MVB12B: variants seen among roughly 807,000 people sequenced by gnomAD.
The protein encoded by MVB12B is multivesicular body subunit 12B.
In MVB12B, 16 loss-of-function variants were observed where a neutral mutation model predicts 41.6. The observed-to-expected ratio is 0.38, with a 90% confidence interval of 0.26 to 0.58. The LOEUF is 0.58. Among genes scored for constraint, MVB12B ranks in the 20% least tolerant of loss-of-function variants. MVB12B has a pLI of 0.62. For synonymous variants in MVB12B, 133 were observed against 139.7 expected, an observed-to-expected ratio of 0.95 and a Z score of 0.34; for missense variants, 274 against 380.2, an observed-to-expected ratio of 0.72 and a Z score of 2.32.
chr9:126,499,004 C>T (rs1208721312), intron 9 of MVB12B, among the ~76,000 whole-genome samples: 1 of 152,204 alleles, frequency 6.6e-6, no homozygotes. Flanking sequence ...TGATGCATAA[C>T]CAGGGCTAAT....
intron 2 of MVB12B, among the ~76,000 whole-genome samples, chr9:126,377,153 A>G (rs945739364): frequency 3.9e-4 from 59 of 152,276 alleles, no homozygotes; most frequent in Admixed American, 2.6e-3. Context: ...AAGAGAGATA[A>G]ACCATGTGTA....
At chr9:126,335,017 T>C (rs934149438) in intron 1 of MVB12B, among the ~76,000 whole-genome samples, 7 of 152,192 alleles carry the variant, frequency 4.6e-5, no homozygotes, top group Admixed American at 3.3e-4. Context: ...ATAAGGCAGA[T>C]TGAATACACA....
chr9:126,366,757 T>C (rs573005596), intron 2 of MVB12B, among the ~76,000 whole-genome samples: 8 of 152,244 alleles, frequency 5.3e-5, no homozygotes, highest in African/African-American at 1.7e-4. Flanking sequence ...CCCAGCCTCC[T>C]GCACTGAGCA....
intron 7 of MVB12B, among the ~76,000 whole-genome samples, chr9:126,438,589 G>A (rs1297370020): frequency 6.6e-6 from 1 of 152,164 alleles, no homozygotes; most frequent in Non-Finnish European, 1.5e-5. Context: ...TGGCTCAGCT[G>A]CTAGTGGGAT....
intron 3 of MVB12B, among the ~76,000 whole-genome samples, chr9:126,382,913 T>C (rs1830674402): frequency 6.6e-6 from 1 of 152,122 alleles, no homozygotes; most frequent in African/African-American, 2.4e-5. Flanking sequence ...ATGTTGAACA[T>C]TAAAAAGATA....
intron 7 of MVB12B, among the ~76,000 whole-genome samples, chr9:126,469,294 C>T (rs1304937588): frequency 2.6e-5 from 4 of 152,250 alleles, no homozygotes; most frequent in African/African-American, 9.6e-5. Flanking sequence ...CCAAGGCTTG[C>T]TCTGAGAAGG....
intron 7 of MVB12B, among the ~76,000 whole-genome samples, chr9:126,435,685 C>T (rs903815534): frequency 1.3e-5 from 2 of 151,514 alleles, no homozygotes; most frequent in African/African-American, 2.4e-5. Context: ...AGTTTCTTTC[C>T]TTGCTCCAGA....
chr9:126,402,873 C>A (rs1006686088), intron 6 of MVB12B, among the ~76,000 whole-genome samples: 1 of 152,200 alleles, frequency 6.6e-6, no homozygotes, highest in Non-Finnish European at 1.5e-5. Flanking sequence ...AAGACTGTAG[C>A]GCAGGGTTCT....
chr9:126,490,530 G>A (rs1833710181), intron 9 of MVB12B, among the ~76,000 whole-genome samples: 1 of 152,206 alleles, frequency 6.6e-6, no homozygotes, highest in South Asian at 2.1e-4. Flanking sequence ...TTCCCTTCCA[G>A]GAGTGCCACC....
At chr9:126,482,884 C>T (rs946051791) in intron 8 of MVB12B, among the ~76,000 whole-genome samples, 22 of 152,220 alleles carry the variant, frequency 1.4e-4, no homozygotes, top group African/African-American at 5.1e-4. Flanking sequence ...TGCAGCGCCC[C>T]GCAGCCCCAC....
chr9:126,358,353 T>G (rs944259233), intron 2 of MVB12B, among the ~76,000 whole-genome samples: 1 of 151,990 alleles, frequency 6.6e-6, no homozygotes, highest in East Asian at 1.9e-4. Context: ...AAAAAAAGCC[T>G]TCTGGGATTT....
At chr9:126,450,063 T>G (rs1015100927) in intron 7 of MVB12B, among the ~76,000 whole-genome samples, 2 of 152,246 alleles carry the variant, frequency 1.3e-5, no homozygotes, top group African/African-American at 4.8e-5. Flanking sequence ...GCCCTTGGCC[T>G]CCTCACATCT....
At chr9:126,370,395 T>TTTTTG in intron 2 of MVB12B, among the ~76,000 whole-genome samples, 1 of 151,108 alleles carries the variant, frequency 6.6e-6, no homozygotes, top group Non-Finnish European at 1.5e-5. Context: ...TTTTTTTTTT[T>TTTTTG]TTCCCCAGAC....
intron 1 of MVB12B, among the ~76,000 whole-genome samples, chr9:126,338,144 A>G (rs539369204): frequency 5.9e-5 from 9 of 152,326 alleles, no homozygotes; most frequent in South Asian, 2.1e-4. Context: ...CCATTTGTCC[A>G]TATTTCACAA....
At chr9:126,457,715 A>G (rs1833011377) in intron 7 of MVB12B, among the ~76,000 whole-genome samples, 1 of 152,110 alleles carries the variant, frequency 6.6e-6, no homozygotes, top group Non-Finnish European at 1.5e-5. Flanking sequence ...TTGAGACTGA[A>G]TGAAAATAGG....
intron 3 of MVB12B, among the ~76,000 whole-genome samples, chr9:126,384,703 A>T (rs75062535): frequency 0.02 from 2,998 of 151,254 alleles, 44 homozygotes; most frequent in Middle Eastern, 0.072. Context: ...TAATTTTTGT[A>T]TTTTTTTTAA....
chr9:126,414,408 T>C (rs1286506231), intron 6 of MVB12B, among the ~76,000 whole-genome samples: 1 of 152,176 alleles, frequency 6.6e-6, no homozygotes, highest in East Asian at 1.9e-4. Flanking sequence ...TCCGGGCAGT[T>C]CCGTGGGCAG....
intron 7 of MVB12B, among the ~76,000 whole-genome samples, chr9:126,469,748 C>T (rs1000793759): frequency 6.6e-6 from 1 of 152,210 alleles, no homozygotes; most frequent in Non-Finnish European, 1.5e-5. Flanking sequence ...TGAGGAGTTT[C>T]TGCGTTTGTC....
At chr9:126,338,209 C>T (rs1264030514) in intron 1 of MVB12B, among the ~76,000 whole-genome samples, 1 of 152,230 alleles carries the variant, frequency 6.6e-6, no homozygotes, top group African/African-American at 2.4e-5. Flanking sequence ...GAACGGCTGG[C>T]GTTGGAGATG....
Sources: allele counts gnomAD v4.1 joint callset (sites outside exome capture counted in the v4.1 genomes callset), GRCh38; gene constraint gnomAD v4.1.1; transcripts MANE v1.5; gene names NCBI Gene and HGNC (gene_info 2026-07-23, HGNC 2026-07-21).